The following CDC42BPA variants were observed in gnomAD, a reference collection of about 807,000 sequenced individuals.
The protein encoded by CDC42BPA is CDC42 binding protein kinase alpha, also known as serine/threonine-protein kinase MRCK alpha.
CDC42BPA carries 80 observed loss-of-function variants against 223.5 expected under a neutral mutation model. The observed-to-expected ratio is 0.36, with a 90% CI of 0.30 to 0.43. The LOEUF is 0.43. Among genes scored for constraint, CDC42BPA ranks in the 20% least tolerant of loss-of-function variants. CDC42BPA has a pLI of 1.00. For synonymous variants in CDC42BPA, 694 were observed against 718.6 expected (o/e 0.97, Z 0.55); for missense variants, 1,743 against 2,099.9 (o/e 0.83, Z 3.32).
chr1:227,012,380 TCTTATATTAATG>T (rs1665394587), intron 34 of CDC42BPA, among the ~76,000 whole-genome samples: 1 of 152,118 alleles, frequency 6.6e-6, no homozygotes, highest in Non-Finnish European at 1.5e-5. Flanking sequence ...ACACACACCA[TCTTATATTAATG>T]CTTATATTGT....
At chr1:227,249,759 C>A (rs1681633028) in intron 2 of CDC42BPA, among the ~76,000 whole-genome samples, 1 of 152,106 alleles carries the variant, frequency 6.6e-6, no homozygotes, top group African/African-American at 2.4e-5. Context: ...TATCATCTCA[C>A]CCCAGTTAAA....
At position 227,072,287 on chromosome 1, in the gene CDC42BPA, A is replaced by C. The variant is rs1193673271; in HGVS notation, c.2748T>G (p.Asp916Glu). The change falls in exon 20 of 37, where the codon GAT (aspartate) becomes GAG (glutamate). Residue 916 changes from aspartate to glutamate, a missense_variant. By Grantham distance (45) the Asp-to-Glu change is conservative. This residue lies in a region of CDC42BPA where 678 missense variants were observed against 777.5 expected (regional missense o/e 0.87). Transcript: ENST00000366766. ...SNIITECKLK[D>E]SEKKNLELLS... ...GTAGTTCCAAGTTCTTCTTCTCTGA[A>C]TCTTTTAGTTTACTTAAATAAGGAG... is the stretch of plus-strand genomic sequence containing the variant. 1 of 1,592,970 alleles carries C rather than the reference A, an allele frequency of 6.3e-7. No homozygotes were observed. Among genetic ancestry groups the C allele is most frequent in the Non-Finnish European group, 8.6e-7 (1 of 1,162,280 alleles).
intron 6 of CDC42BPA, among the ~76,000 whole-genome samples, chr1:227,150,242 A>T (rs1165202084): frequency 2.6e-5 from 4 of 151,834 alleles, no homozygotes; most frequent in Non-Finnish European, 4.4e-5. Flanking sequence ...AAAAAACAAA[A>T]AAAACAAAAA....
chr1:227,069,426 C>G (rs1467035535), intron 21 of CDC42BPA: 1 of 162,608 alleles, frequency 6.1e-6, no homozygotes, highest in Non-Finnish European at 1.3e-5. Context: ...TTGACATTTT[C>G]TCACTTTTTA....
At chr1:227,072,161 A>G (rs758787786) in intron 20 of CDC42BPA, 47 bp downstream of exon 20, 3 of 1,012,446 alleles carry the variant, frequency 3.0e-6, no homozygotes, top group Non-Finnish European at 4.5e-6. Flanking sequence ...AAATATATTT[A>G]TAACATAACA....
At chr1:227,239,825 A>G (rs1490670266) in intron 2 of CDC42BPA, among the ~76,000 whole-genome samples, 2 of 152,142 alleles carry the variant, frequency 1.3e-5, no homozygotes, top group South Asian at 2.1e-4. Context: ...ACTTAACAGT[A>G]AAACACTGAA....
At chr1:227,314,676 T>G (rs573762902) in intron 1 of CDC42BPA, among the ~76,000 whole-genome samples, 5 of 151,764 alleles carry the variant, frequency 3.3e-5, no homozygotes. Context: ...GCTGACACTT[T>G]CATTAATATA....
intron 2 of CDC42BPA, among the ~76,000 whole-genome samples, chr1:227,246,332 G>C (rs1680944936): frequency 6.6e-6 from 1 of 152,180 alleles, no homozygotes; most frequent in African/African-American, 2.4e-5. Flanking sequence ...TTTTTAACTA[G>C]AATCGCAGGC....
At chr1:227,198,405 C>T (rs995894203) in intron 4 of CDC42BPA, among the ~76,000 whole-genome samples, 8 of 127,920 alleles carry the variant, frequency 6.3e-5, no homozygotes, top group Non-Finnish European at 1.1e-4. Context: ...CAGCAGTTAG[C>T]TCTAATTGGG....
At chr1:227,039,986 G>A (rs1406731686) in intron 24 of CDC42BPA, 145 bp downstream of exon 24, 1 of 643,390 alleles carries the variant, frequency 1.6e-6, no homozygotes, top group Admixed American at 2.9e-5. Flanking sequence ...ACATTCAACA[G>A]ACAACACAGA....
In CDC42BPA at chr1:227,250,774, A is replaced by G. The variant is rs183469302; in HGVS notation, c.270+3290T>C. ...CACTGAAGAAATACTAAAGAGGGCC[A>G]GGCACAGTGCCTCACAACTGTAATC... is the stretch of plus-strand genomic sequence containing the variant. On this transcript the variant is annotated intron_variant, in intron 2 of 36. Coordinates refer to ENST00000366766, the MANE Select transcript of CDC42BPA (RefSeq NM_001394014.1). Among the ~76,000 whole-genome samples, 435 of 152,076 alleles carry G rather than the reference A, an allele frequency of 2.9e-3. 1 individual carries two copies. The highest frequency in any genetic ancestry group is 4.9e-3 in the Non-Finnish European group (334 of 67,958).
intron 1 of CDC42BPA, among the ~76,000 whole-genome samples, chr1:227,289,023 TA>T (rs1438647457): frequency 1.3e-5 from 2 of 151,826 alleles, no homozygotes; most frequent in Non-Finnish European, 2.9e-5. Context: ...TAATTCAAAA[TA>T]AAAAAATTAA....
chr1:227,028,810 T>C lies in CDC42BPA; in HGVS notation c.4279A>G (p.Ile1427Val). ...LHSNDHTLSF[I>V]AHQPMDAICA... ...ATAGCATCCATTGGTTGATGTGCAA[T>C]AAATGATAGTGTATGGTCATTTGAA... is the stretch of plus-strand genomic sequence containing the variant. Residue 1427 changes from isoleucine (I) to valine (V), a missense_variant, in exon 30 of 37, where the codon ATT (isoleucine) becomes GTT (valine). Physicochemically the swap from Ile to Val is conservative, Grantham distance 29 (BLOSUM62 3). Coordinates refer to ENST00000366766, the MANE Select transcript of CDC42BPA (RefSeq NM_001394014.1). 1 of 1,614,118 alleles carries C rather than the reference T, an allele frequency of 6.2e-7. No individual in the cohort carries two copies. Among genetic ancestry groups the C allele is most frequent in the Non-Finnish European group, 8.5e-7 (1 of 1,179,950 alleles).
At chr1:227,124,751 T>A (rs1452219296) in intron 11 of CDC42BPA, among the ~76,000 whole-genome samples, 1 of 152,110 alleles carries the variant, frequency 6.6e-6, no homozygotes, top group East Asian at 1.9e-4. Flanking sequence ...TTCTACTTTA[T>A]CCTGGAGGCA....
chr1:227,003,152 TCAA>T (rs1257206143), intron 35 of CDC42BPA, among the ~76,000 whole-genome samples: 8 of 152,184 alleles, frequency 5.3e-5, no homozygotes, highest in Admixed American at 1.3e-4. Flanking sequence ...TGGAGGAAAC[TCAA>T]TCTGCATCAG....
chr1:227,223,556 A>G (rs1676312066), intron 2 of CDC42BPA, among the ~76,000 whole-genome samples: 1 of 152,174 alleles, frequency 6.6e-6, no homozygotes, highest in South Asian at 2.1e-4. Context: ...TAAGAAAAAG[A>G]GGAAGAAACT....
chr1:227,193,996 G>C, intron 4 of CDC42BPA, 62 bp from the exon 5 acceptor site: 1 of 1,150,998 alleles, frequency 8.7e-7, no homozygotes, highest in South Asian at 1.7e-5. Context: ...TCAATATACT[G>C]TATCCCAAGG....
At chr1:227,236,165 T>G (rs1440692142) in intron 2 of CDC42BPA, among the ~76,000 whole-genome samples, 1 of 152,202 alleles carries the variant, frequency 6.6e-6, no homozygotes, top group Non-Finnish European at 1.5e-5. Context: ...AGACTATATA[T>G]CCCAACAGAC....
At chr1:227,254,206 A>C in intron 1 of CDC42BPA, 51 bp from the exon 2 acceptor site, 1 of 927,440 alleles carries the variant, frequency 1.1e-6, no homozygotes, top group South Asian at 1.5e-5. Context: ...TGTGATGCAA[A>C]TTAGATATAA....
Sources: gnomAD v4.1 joint callset for allele counts (sites outside exome capture counted in the v4.1 genomes callset) on GRCh38, gnomAD v4.1.1 for gene constraint, gnomAD v4.1.1 regional missense constraint, MANE v1.5 for transcripts, NCBI Gene and HGNC (gene_info 2026-07-23, HGNC 2026-07-21) for gene names.